Variants in ADGRB3 observed in about 807,000 individuals in gnomAD.
ADGRB3 encodes the protein adhesion G protein-coupled receptor B3, also known as brain-specific angiogenesis inhibitor 3.
A neutral mutation model predicts 193.4 loss-of-function variants in ADGRB3; 37 were observed. That is an observed-to-expected ratio of 0.19 (90% CI 0.15 to 0.25). The LOEUF (loss-of-function observed/expected upper bound fraction) is 0.25. ADGRB3 is among the 10% of genes least tolerant of loss of function. The probability of loss-of-function intolerance (pLI) is 1.00; values close to 1 mark genes in which losing one functional copy is unlikely to be tolerated. For missense variants in ADGRB3, 1,637 were observed against 1,852.9 expected (o/e 0.88, Z 2.14); for synonymous variants, 690 against 644.2 (o/e 1.07, Z -1.08).
At chr6:68,911,214 C>G (rs1359224004) in intron 3 of ADGRB3, among the ~76,000 whole-genome samples, 1 of 134,274 alleles carries the variant, frequency 7.4e-6, no homozygotes, top group Non-Finnish European at 1.5e-5. Context: ...GGGAATTGAA[C>G]AATGGGAAAA....
chr6:69,088,260 A>G (rs996055625), intron 17 of ADGRB3, among the ~76,000 whole-genome samples: 4 of 152,216 alleles, frequency 2.6e-5, no homozygotes, highest in Non-Finnish European at 4.4e-5. Context: ...TTATACAAAA[A>G]GTGTCAAGTT....
At chr6:68,761,369 T>C (rs1169272056) in intron 3 of ADGRB3, among the ~76,000 whole-genome samples, 1 of 151,884 alleles carries the variant, frequency 6.6e-6, no homozygotes, top group Non-Finnish European at 1.5e-5. Context: ...AGGTTTTCAG[T>C]TGGTAACTCC....
chr6:69,090,806 A>G (rs980864975), intron 17 of ADGRB3, among the ~76,000 whole-genome samples: 2 of 152,232 alleles, frequency 1.3e-5, no homozygotes, highest in African/African-American at 4.8e-5. Context: ...GATTGCAACC[A>G]TCATGCAATG....
chr6:68,963,942 T>C (rs1768306899), intron 8 of ADGRB3, among the ~76,000 whole-genome samples: 1 of 152,146 alleles, frequency 6.6e-6, no homozygotes, highest in African/African-American at 2.4e-5. Context: ...TGAGCCTAGT[T>C]AAATATAATA....
At chr6:68,673,650 A>G (rs1769017172) in intron 3 of ADGRB3, among the ~76,000 whole-genome samples, 1 of 152,144 alleles carries the variant, frequency 6.6e-6, no homozygotes, top group African/African-American at 2.4e-5. Flanking sequence ...TTTACTAGCA[A>G]TCTTTATCCT....
chr6:68,772,960 AAAT>A (rs1766668421), intron 3 of ADGRB3, among the ~76,000 whole-genome samples: 1 of 141,896 alleles, frequency 7.0e-6, no homozygotes, highest in African/African-American at 2.7e-5. Context: ...TAAAAAATAA[AAAT>A]AAAATAGACA....
At chr6:68,932,147 TGGG>T (rs1767356108) in intron 4 of ADGRB3, among the ~76,000 whole-genome samples, 1 of 152,122 alleles carries the variant, frequency 6.6e-6, no homozygotes, top group African/African-American at 2.4e-5. Context: ...CACCATCTAA[TGGG>T]GGCATTTCTG....
chr6:69,261,079 T>C (rs936468530), intron 20 of ADGRB3, among the ~76,000 whole-genome samples: 3 of 152,206 alleles, frequency 2.0e-5, no homozygotes, highest in African/African-American at 7.2e-5. Context: ...TACAGGCTTT[T>C]GTATTTGAAT....
intron 3 of ADGRB3, among the ~76,000 whole-genome samples, chr6:68,888,140 A>G (rs1388897724): frequency 6.6e-6 from 1 of 152,164 alleles, no homozygotes; most frequent in African/African-American, 2.4e-5. Flanking sequence ...ACAATGGGAG[A>G]TCAGATTGCA....
intron 17 of ADGRB3, among the ~76,000 whole-genome samples, chr6:69,220,375 T>C (rs1443161490): frequency 1.3e-5 from 2 of 152,146 alleles, no homozygotes; most frequent in Non-Finnish European, 2.9e-5. Context: ...GAACTTACAA[T>C]TACTTGGTCA....
chr6:68,898,448 T>C (rs900667441), intron 3 of ADGRB3, among the ~76,000 whole-genome samples: 1 of 152,168 alleles, frequency 6.6e-6, no homozygotes, highest in African/African-American at 2.4e-5. Flanking sequence ...AAATAATGTT[T>C]CGCCAACTAT....
rs140556498 is a variant in ADGRB3 at position 69,217,829 on chromosome 6, A to T, written c.2481-15461A>T. On this transcript the variant is annotated intron_variant, in intron 17 of 31. Transcript: ENST00000370598. ...TCCCTGACGTAGATCTGAGAGTGAG[A>T]TGTGAACTGGACAGAATTAACAGTA... Among the ~76,000 whole-genome samples, 185 of 152,236 alleles carry T rather than the reference A, an allele frequency of 1.2e-3. 2 individuals carry two copies. The South Asian group carries it at 0.03, about 25-fold the overall frequency.
At chr6:69,373,561 A>G (rs1769750031) in intron 30 of ADGRB3, among the ~76,000 whole-genome samples, 1 of 152,092 alleles carries the variant, frequency 6.6e-6, no homozygotes, top group Admixed American at 6.6e-5. Flanking sequence ...TTAGCATTGA[A>G]TATATATTTA....
chr6:68,888,020 CTTTTT>C (rs1234423608), intron 3 of ADGRB3, among the ~76,000 whole-genome samples: 6 of 152,112 alleles, frequency 3.9e-5, no homozygotes, highest in Non-Finnish European at 8.8e-5. Flanking sequence ...CAAAGTAATG[CTTTTT>C]CATTTTAGTA....
intron 13 of ADGRB3, among the ~76,000 whole-genome samples, chr6:69,042,343 T>G (rs1771097508): frequency 6.6e-6 from 1 of 152,160 alleles, no homozygotes; most frequent in African/African-American, 2.4e-5. Flanking sequence ...CTAGGAACAG[T>G]GCCTAGCACA....
chr6:69,268,018 G>A (rs944253604), intron 20 of ADGRB3, among the ~76,000 whole-genome samples: 2 of 152,096 alleles, frequency 1.3e-5, no homozygotes, highest in African/African-American at 4.8e-5. Context: ...GGCTTTAAGA[G>A]CAGAGGCATT....
intron 13 of ADGRB3, among the ~76,000 whole-genome samples, chr6:69,031,571 C>CTTTCTTTCTTTCTTTCTTTCTCTCTCT (rs1337493560): frequency 1.9e-5 from 2 of 106,844 alleles, no homozygotes; most frequent in Admixed American, 1.0e-4. Context: ...TTCTTTTCTT[C>CTTTCTTTCTTTCTTTCTTTCTCTCTCT]CTCTGTCTCT....
intron 3 of ADGRB3, among the ~76,000 whole-genome samples, chr6:68,920,164 T>G (rs79749336): frequency 0.019 from 2,942 of 152,122 alleles, 52 homozygotes; most frequent in East Asian, 0.051. Flanking sequence ...GTAAACGAAA[T>G]GAAAAACACG....
intron 17 of ADGRB3, among the ~76,000 whole-genome samples, chr6:69,220,610 T>C (rs1393689388): frequency 6.6e-6 from 1 of 152,122 alleles, no homozygotes; most frequent in Non-Finnish European, 1.5e-5. Context: ...CCTCATTCTC[T>C]GAGCTCAACA....
Sources: allele counts gnomAD v4.1 joint callset (sites outside exome capture counted in the v4.1 genomes callset), GRCh38; gene constraint gnomAD v4.1.1; transcripts MANE v1.5; gene names NCBI Gene and HGNC (gene_info 2026-07-23, HGNC 2026-07-21).